Variants in TRAF2 observed in about 807,000 individuals in gnomAD.
The protein encoded by TRAF2 is TNF receptor-associated factor 2.
TRAF2 carries 6 observed loss-of-function variants against 55.6 expected under a neutral mutation model. The ratio of observed to expected loss-of-function variants is 0.11; its 90% CI spans 0.06 to 0.21. The LOEUF is 0.21. TRAF2 is among the 10% of genes least tolerant of loss of function. TRAF2 has a pLI of 1.00. For synonymous variants in TRAF2, 329 were observed against 276.3 expected, an observed-to-expected ratio of 1.19 and a Z score of -1.89; for missense variants, 561 against 684.5, an observed-to-expected ratio of 0.82 and a Z score of 2.01.
In TRAF2 at chr9:136,898,244, C is replaced by T. The variant is rs528341968; in HGVS notation, c.-28-469C>T. On this transcript the variant is annotated intron_variant, in intron 1 of 10. Transcript: ENST00000247668. ...CAGAGCCTGAGTGCCAGCAGGCAGGCGTCTCCTGCCCAGTGGGTTTGGTAA... is the reference window on the plus strand; with the variant it reads ...CAGAGCCTGAGTGCCAGCAGGCAGGTGTCTCCTGCCCAGTGGGTTTGGTAA... Among the ~76,000 whole-genome samples, 31 of 152,332 alleles carry T rather than the reference C, an allele frequency of 2.0e-4. No homozygotes were observed. The South Asian group carries it at 4.1e-3, about 20-fold the overall frequency.
chr9:136,909,696 G>A (rs1032258963), intron 5 of TRAF2, among the ~76,000 whole-genome samples: 3 of 152,188 alleles, frequency 2.0e-5, no homozygotes, highest in Admixed American at 6.5e-5. Flanking sequence ...GGTCTCCCTC[G>A]CATTGCCCTG....
Position 136,910,999 on chromosome 9 carries a change from G to A in TRAF2, c.603+1005G>A, listed in dbSNP as rs114556465. 2.3e-3 allele frequency among the ~76,000 whole-genome samples: 349 copies of A among 152,348 alleles called. 2 individuals carry two copies. The highest frequency in any genetic ancestry group is 0.01 in the Middle Eastern group (3 of 294). Reference sequence around the variant, plus strand: ...GGACGCCTGCCTGGGGCCCGTGTCTGTGAGGCTGTGTCCCCTGCTGGTGGG... The same window carrying A: ...GGACGCCTGCCTGGGGCCCGTGTCTATGAGGCTGTGTCCCCTGCTGGTGGG... On this transcript the variant is annotated intron_variant, in intron 6 of 10. Coordinates refer to ENST00000247668, the MANE Select transcript of TRAF2 (RefSeq NM_021138.4).
At chr9:136,909,554 G>C (rs972418463) in intron 5 of TRAF2, among the ~76,000 whole-genome samples, 3 of 152,168 alleles carry the variant, frequency 2.0e-5, no homozygotes, top group African/African-American at 7.2e-5. Context: ...TCTTGGAGAC[G>C]TCCCGCATGC....
chr9:136,900,393 T>C, intron 3 of TRAF2, 29 bp from the exon 4 acceptor site: 1 of 1,532,752 alleles, frequency 6.5e-7, no homozygotes, highest in Non-Finnish European at 8.9e-7. Context: ...TGGGAGGAGG[T>C]TTAACCCGAG....
chr9:136,882,768 G>A (rs1279606592), upstream of TRAF2: 9 of 985,528 alleles, frequency 9.1e-6, no homozygotes, highest in Non-Finnish European at 1.1e-5. Context: ...AGGTGTCACA[G>A]CTTCCAAGCT....
In TRAF2 at chr9:136,907,982, G is replaced by A. The variant is rs186357512; in HGVS notation, c.367-88G>A. 1.7e-5 allele frequency: 25 copies of A among 1,505,290 alleles called. No individual in the cohort carries two copies. In the Admixed American group the frequency reaches 2.8e-4, roughly 17 times the overall value. The allele number at this position is 1,505,290 out of a possible 1,614,324, so 93.2% of individuals were successfully genotyped here. On this transcript the variant is annotated intron_variant, in intron 4 of 10. Coordinates refer to ENST00000247668, the MANE Select transcript of TRAF2 (RefSeq NM_021138.4). ...ACCAGCATGCGGACACCAAGCCAGC[G>A]CTACATCGCCTTGTGTCCCCGGGTG...
At chr9:136,920,146 T>C in intron 7 of TRAF2, 88 bp from the exon 8 acceptor site, 1 of 1,463,404 alleles carries the variant, frequency 6.8e-7, no homozygotes, top group Non-Finnish European at 9.0e-7. Flanking sequence ...TCTCCTCAGC[T>C]CAGCTGAGGC....
chr9:136,904,024 T>C (rs1737519498), intron 4 of TRAF2, among the ~76,000 whole-genome samples: 1 of 152,168 alleles, frequency 6.6e-6, no homozygotes, highest in Non-Finnish European at 1.5e-5. Flanking sequence ...GCAGCGCATC[T>C]GAGCAGTGAG....
At chr9:136,883,032 A>G (rs999522949), upstream of TRAF2, among the ~76,000 whole-genome samples, 5 of 152,016 alleles carry the variant, frequency 3.3e-5, no homozygotes, top group African/African-American at 1.2e-4. Context: ...CATCATGTTC[A>G]GTTAATTTTT....
upstream of TRAF2, chr9:136,886,484 C>A (rs17250743): frequency 3.8e-3 from 3,770 of 1,004,016 alleles, 4 homozygotes; most frequent in Non-Finnish European, 4.3e-3. Flanking sequence ...GCGGCGGCGG[C>A]GGCGTTGGGG....
upstream of TRAF2, among the ~76,000 whole-genome samples, chr9:136,885,351 CTGGA>C (rs1159525540): frequency 6.6e-6 from 1 of 152,118 alleles, no homozygotes; most frequent in Non-Finnish European, 1.5e-5. Context: ...TCACCAAAGG[CTGGA>C]TGGAGAGGGG....
At chr9:136,883,792 C>A (rs1849401119), upstream of TRAF2, among the ~76,000 whole-genome samples, 1 of 150,540 alleles carries the variant, frequency 6.6e-6, no homozygotes, top group Non-Finnish European at 1.5e-5. Context: ...GCTGGGATTA[C>A]AAACATGAGC....
chr9:136,921,812 G>A (rs1437429801), intron 9 of TRAF2, among the ~76,000 whole-genome samples: 1 of 152,060 alleles, frequency 6.6e-6, no homozygotes, highest in Non-Finnish European at 1.5e-5. Flanking sequence ...GCAGGCTCCT[G>A]CCAGGACTGT....
At chr9:136,923,769 TGGGGG>T in intron 9 of TRAF2, 78 bp from the exon 10 acceptor site, 1 of 1,484,014 alleles carries the variant, frequency 6.7e-7, no homozygotes, top group Non-Finnish European at 9.2e-7. Flanking sequence ...TTTTTGTCCC[TGGGGG>T]AGGGCAGCCA....
intron 1 of TRAF2, among the ~76,000 whole-genome samples, chr9:136,886,958 C>T (rs1849466606): frequency 6.6e-6 from 1 of 152,196 alleles, no homozygotes; most frequent in Non-Finnish European, 1.5e-5. Flanking sequence ...GTCCCCGAAG[C>T]CCCGCACCCT....
intron 9 of TRAF2, among the ~76,000 whole-genome samples, chr9:136,923,199 GC>G (rs1341798916): frequency 2.0e-5 from 3 of 152,186 alleles, no homozygotes; most frequent in African/African-American, 7.2e-5. Flanking sequence ...TAAGCCCTGG[GC>G]CGGTCAGGGC....
intron 4 of TRAF2, 181 bp downstream of exon 4, chr9:136,900,701 A>C (rs1011661849): frequency 8.9e-6 from 6 of 676,840 alleles, no homozygotes; most frequent in Non-Finnish European, 1.1e-5. Flanking sequence ...AAACTCAAGT[A>C]GTGCAGAGCA....
chr9:136,904,427 A>G (rs1291648458), intron 4 of TRAF2, among the ~76,000 whole-genome samples: 1 of 151,798 alleles, frequency 6.6e-6, no homozygotes, highest in African/African-American at 2.4e-5. Context: ...TTTATTTGAG[A>G]TGGAGTCTCA....
chr9:136,921,338 C>A, intron 9 of TRAF2, 123 bp downstream of exon 9: 1 of 1,245,890 alleles, frequency 8.0e-7, no homozygotes, highest in Non-Finnish European at 1.1e-6. Flanking sequence ...CCCAGTGATA[C>A]CGGGAGCAGC....
Sources: gnomAD v4.1 joint callset for allele counts (sites outside exome capture counted in the v4.1 genomes callset) on GRCh38, gnomAD v4.1.1 for gene constraint, MANE v1.5 for transcripts, NCBI Gene and HGNC (gene_info 2026-07-23, HGNC 2026-07-21) for gene names.